Variants in EPHA6 observed in about 807,000 individuals in gnomAD.
The protein encoded by EPHA6 is EPH receptor A6, also known as ephrin type-A receptor 6.
EPHA6 carries 50 observed loss-of-function variants against 112.0 expected under a neutral mutation model. That is an observed-to-expected ratio of 0.45 (90% confidence interval 0.36 to 0.56). EPHA6 has a LOEUF of 0.56. Ranked by LOEUF, EPHA6 falls within the 20% of genes least tolerant of loss-of-function variation. EPHA6 has a pLI of 0.00. For missense variants in EPHA6, 1,280 were observed against 1,417.4 expected (o/e 0.90, Z 1.56); for synonymous variants, 529 against 490.7 (o/e 1.08, Z -1.03).
At chr3:97,419,006 A>G (rs747608822) in intron 6 of EPHA6, among the ~76,000 whole-genome samples, 1 of 152,184 alleles carries the variant, frequency 6.6e-6, no homozygotes, top group Non-Finnish European at 1.5e-5. Flanking sequence ...TAAGTATCTT[A>G]CTTAAGAATT....
intron 2 of EPHA6, among the ~76,000 whole-genome samples, chr3:96,966,366 A>G (rs1011807357): frequency 6.6e-6 from 1 of 152,134 alleles, no homozygotes; most frequent in African/African-American, 2.4e-5. Flanking sequence ...GTGGGTTGAC[A>G]GGGTTCAGTC....
At chr3:97,381,720 C>T (rs2085746381) in intron 5 of EPHA6, among the ~76,000 whole-genome samples, 2 of 152,108 alleles carry the variant, frequency 1.3e-5, no homozygotes, top group South Asian at 2.1e-4. Flanking sequence ...ACAAATGCAA[C>T]ATTTTGTCAT....
chr3:97,521,631 T>A (rs1284802698), intron 10 of EPHA6, among the ~76,000 whole-genome samples: 1 of 152,050 alleles, frequency 6.6e-6, no homozygotes, highest in Non-Finnish European at 1.5e-5. Flanking sequence ...TCCCACTGGG[T>A]CCCTCCCATG....
At position 97,320,822 on chromosome 3, in the gene EPHA6, AT is replaced by A. The variant is rs371269181; in HGVS notation, c.1606+76536del. Among the ~76,000 whole-genome samples the A allele has an allele frequency of 1.9e-3, 265 of 139,210 alleles. 6 individuals are homozygous for A. Among genetic ancestry groups the A allele is most frequent in the Middle Eastern group, 3.6e-3 (1 of 274 alleles). The allele number at this position is 139,210 out of a possible 152,430, so 91.3% of individuals were successfully genotyped here. On this transcript the variant is annotated intron_variant, in intron 5 of 17. Coordinates refer to ENST00000389672, the MANE Select transcript of EPHA6 (RefSeq NM_001080448.3). ...GTTCTGTGTTCTCTGGGGGCAAAAA[AT>A]AAAAAAAATAAAAAAAAAGGGATGA...
rs113056584 is a variant in EPHA6, at chr3:97,014,727, C to G, written c.1114+26734C>G. Among the ~76,000 whole-genome samples the G allele has an allele frequency of 5.3e-3, 808 of 152,228 alleles. 6 individuals are homozygous for G. The highest frequency in any genetic ancestry group is 0.018 in the African/African-American group (729 of 41,536). On this transcript the variant is annotated intron_variant, in intron 3 of 17. Transcript: ENST00000389672. ...GTCCAGCATTGCACGTGGAATGTTTCTTTAAATGAATATTACTTCAAAGGG... is the reference window on the plus strand; with the variant it reads ...GTCCAGCATTGCACGTGGAATGTTTGTTTAAATGAATATTACTTCAAAGGG...
At chr3:97,665,762 A>T (rs554180298) in intron 14 of EPHA6, among the ~76,000 whole-genome samples, 2 of 152,328 alleles carry the variant, frequency 1.3e-5, no homozygotes, top group South Asian at 4.1e-4. Flanking sequence ...TCCACCATTT[A>T]AAGAATACAC....
intron 1 of EPHA6, among the ~76,000 whole-genome samples, chr3:96,842,662 G>T (rs958407445): frequency 6.6e-6 from 1 of 151,950 alleles, no homozygotes; most frequent in Non-Finnish European, 1.5e-5. Flanking sequence ...ACCTTTAAGG[G>T]TTAATTACAC....
intron 5 of EPHA6, among the ~76,000 whole-genome samples, chr3:97,358,355 T>C (rs1054902436): frequency 3.3e-5 from 5 of 152,192 alleles, no homozygotes; most frequent in African/African-American, 1.2e-4. Context: ...CTCTGCCCTT[T>C]ACAACTTTGC....
chr3:96,863,293 T>TAGGG (rs1401007360), intron 1 of EPHA6, among the ~76,000 whole-genome samples: 12 of 152,080 alleles, frequency 7.9e-5, no homozygotes, highest in African/African-American at 2.9e-4. Context: ...TGCTGTCTGG[T>TAGGG]AGGGACTAGG....
chr3:97,351,905 A>G (rs902662182), intron 5 of EPHA6, among the ~76,000 whole-genome samples: 2 of 152,150 alleles, frequency 1.3e-5, no homozygotes, highest in Admixed American at 6.5e-5. Flanking sequence ...AATTAAAGAC[A>G]AATAGTCACA....
intron 2 of EPHA6, among the ~76,000 whole-genome samples, chr3:96,877,941 T>C (rs1330746398): frequency 6.7e-6 from 1 of 148,484 alleles, no homozygotes; most frequent in Admixed American, 6.7e-5. Flanking sequence ...TTTTTTTTTT[T>C]CCTTTGGATG....
chr3:96,977,680 A>G (rs1339827467), intron 2 of EPHA6, among the ~76,000 whole-genome samples: 1 of 150,886 alleles, frequency 6.6e-6, no homozygotes, highest in Non-Finnish European at 1.5e-5. Context: ...CAGCATGGAG[A>G]TTGACCTCTG....
At chr3:97,481,345 A>C in intron 9 of EPHA6, 3 of 1,558,472 alleles carry the variant, frequency 1.9e-6, no homozygotes, top group East Asian at 2.3e-5. Flanking sequence ...CTTGTGCAAA[A>C]TATCCAACAT....
intron 14 of EPHA6, chr3:97,646,190 G>T (rs1379636143): frequency 5.2e-6 from 8 of 1,535,794 alleles, no homozygotes; most frequent in Non-Finnish European, 7.0e-6. Context: ...TGTGTGAGCA[G>T]TGCGAGTCCA....
At chr3:96,879,050 G>A (rs1406634391) in intron 2 of EPHA6, among the ~76,000 whole-genome samples, 1 of 151,922 alleles carries the variant, frequency 6.6e-6, no homozygotes, top group Non-Finnish European at 1.5e-5. Flanking sequence ...TCCACATTCT[G>A]CCTAATTTAA....
intron 3 of EPHA6, among the ~76,000 whole-genome samples, chr3:97,077,268 A>T (rs1222772192): frequency 6.6e-6 from 1 of 151,932 alleles, no homozygotes. Flanking sequence ...GTTGATTCCA[A>T]CCCTCTTGGA....
At chr3:97,680,119 G>T (rs900611474) in intron 14 of EPHA6, among the ~76,000 whole-genome samples, 2 of 152,148 alleles carry the variant, frequency 1.3e-5, no homozygotes, top group African/African-American at 4.8e-5. Flanking sequence ...TTTTGACTTT[G>T]ATTTCCCTTT....
chr3:97,716,812 T>G (rs114746602), intron 14 of EPHA6, among the ~76,000 whole-genome samples: 1 of 152,216 alleles, frequency 6.6e-6, no homozygotes, highest in Non-Finnish European at 1.5e-5. Context: ...ATCAGGTTCA[T>G]ATTATCATGC....
intron 11 of EPHA6, among the ~76,000 whole-genome samples, chr3:97,578,612 G>T (rs2093409387): frequency 6.6e-6 from 1 of 152,170 alleles, no homozygotes; most frequent in Admixed American, 6.5e-5. Context: ...AGAGGTATAG[G>T]ACTTTCCTCA....
Sources: allele counts gnomAD v4.1 joint callset (sites outside exome capture counted in the v4.1 genomes callset), GRCh38; gene constraint gnomAD v4.1.1; transcripts MANE v1.5; gene names NCBI Gene and HGNC (gene_info 2026-07-23, HGNC 2026-07-21).